The following SIGLEC1 variants were observed in gnomAD, a reference collection of about 807,000 sequenced individuals.
The protein encoded by SIGLEC1 is sialic acid binding Ig like lectin 1.
SIGLEC1 carries 132 observed loss-of-function variants against 148.0 expected under a neutral mutation model. The ratio of observed to expected loss-of-function variants is 0.89; its 90% CI spans 0.77 to 1.03. The LOEUF (loss-of-function observed/expected upper bound fraction) is 1.03, where lower values mean the gene tolerates loss of function less well. SIGLEC1 is among the 50% of genes least tolerant of loss of function. The pLI, the probability that SIGLEC1 is intolerant of heterozygous loss-of-function variation, is 0.00. For synonymous variants in SIGLEC1, 945 were observed against 969.0 expected (o/e 0.98, Z 0.46); for missense variants, 2,253 against 2,271.4 (o/e 0.99, Z 0.16).
intron 1 of SIGLEC1, among the ~76,000 whole-genome samples, chr20:3,709,841 A>T (rs1301259367): frequency 2.0e-5 from 3 of 152,222 alleles, no homozygotes; most frequent in Admixed American, 6.5e-5. Context: ...ATTACATGAA[A>T]TATCTAGACT....
chr20:3,692,157 G>T lies in SIGLEC1; in HGVS notation c.4076C>A (p.Ala1359Asp). Residue 1359 changes from alanine (A) to aspartate (D), a missense_variant, in exon 17 of 22, where the codon GCC (alanine) becomes GAC (aspartate). Ala to Asp is a moderately radical substitution (Grantham distance 126). Coordinates refer to ENST00000344754, the MANE Select transcript of SIGLEC1 (RefSeq NM_023068.4). ...AVLSSFRDSR[A>D]RSMAVIQCTV... The stretch of plus-strand genomic sequence containing the variant: ...GCACTGTATCACAGCCATGGATCTG[G>T]CCCTGGAGTCCCGGAAGGAGGACAG... 1 of 1,583,788 alleles carries T rather than the reference G, an allele frequency of 6.3e-7. No individual in the cohort carries two copies.
In SIGLEC1 at chr20:3,694,311, C is replaced by T. The variant is rs766822318; in HGVS notation, c.3166G>A (p.Gly1056Arg). The T allele has an allele frequency of 1.5e-5, 24 of 1,612,998 alleles. No individual in the cohort carries two copies. Among genetic ancestry groups the T allele is most frequent in the African/African-American group, 4.0e-5 (3 of 74,904 alleles). ...APNTLRLEIH[G>R]AMLEDEGVYI... is the part of the protein sequence containing the mutation. The stretch of plus-strand genomic sequence containing the variant: ...ACACCCTCATCCTCCAGCATAGCCC[C>T]GTGGATCTCCAGACGCAGTGTGTTG... The change falls in exon 13 of 22, where the codon GGG (glycine) becomes AGG (arginine). Residue 1056 changes from glycine to arginine, a missense_variant. Coordinates refer to ENST00000344754, the MANE Select transcript of SIGLEC1 (RefSeq NM_023068.4).
chr20:3,688,335 A>T lies in SIGLEC1; in HGVS notation c.*225T>A, dbSNP rs2088719358. Reference sequence around the variant, plus strand: ...AGAGAAGAGAGAGCGAGATCAGCTCAGTGCTCTTCAGTGTCCTCCAGGGTC... The same window carrying T: ...AGAGAAGAGAGAGCGAGATCAGCTCTGTGCTCTTCAGTGTCCTCCAGGGTC... On this transcript the variant is annotated 3_prime_UTR_variant, in exon 22 of 22. Coordinates refer to ENST00000344754, the MANE Select transcript of SIGLEC1 (RefSeq NM_023068.4). 1.8e-6 allele frequency: 1 copy of T among 564,974 alleles called. No individual in the cohort carries two copies. Among genetic ancestry groups the T allele is most frequent in the South Asian group, 1.9e-5 (1 of 53,188 alleles). 35.0% of individuals were successfully genotyped at this position (564,974 alleles called of 1,614,324 possible).
Position 3,690,059 on chromosome 20 carries a change from G to A in SIGLEC1, c.4797C>T (p.Asp1599=), listed in dbSNP as rs1345497781. ...VLASPNALRV[D]IEALRPSDQG... ...GGTCGCTGGGCCTCAGCGCCTCGAT[G>A]TCCACCCTCAGGGCATTGGGGGAAG... The change falls in exon 19 of 22, where the codon GAC becomes GAT. Residue 1599 remains aspartate (D), a synonymous_variant. Transcript: ENST00000344754. 1.9e-6 allele frequency: 3 copies of A among 1,612,132 alleles called. No individual in the cohort carries two copies. Among genetic ancestry groups the A allele is most frequent in the Admixed American group, 3.3e-5 (2 of 59,902 alleles).
In SIGLEC1 at chr20:3,699,413, C is replaced by G; in HGVS notation, c.1575G>C (p.Gln525His). 6.2e-7 allele frequency: 1 copy of G among 1,610,260 alleles called. No individual in the cohort carries two copies. Among genetic ancestry groups the G allele is most frequent in the Non-Finnish European group, 8.5e-7 (1 of 1,178,942 alleles). ...CGCTTCTGCAGCTCAGTGTCACTGCCTGTCCTTCCACCACCTCGGCTGCCG... is the reference window on the plus strand; with the variant it reads ...CGCTTCTGCAGCTCAGTGTCACTGCGTGTCCTTCCACCACCTCGGCTGCCG... ...ISPAAEVVEG[Q>H]AVTLSCRSGL... Residue 525 changes from glutamine (Q) to histidine (H), a missense_variant, in exon 8 of 22, where the codon CAG becomes CAC. Transcript: ENST00000344754.
chr20:3,710,258 C>T lies in SIGLEC1; in HGVS notation c.-110+2212G>A, dbSNP rs374347746. On this transcript the variant is annotated intron_variant, in intron 1 of 21. Transcript: ENST00000344754. The surrounding 1 kb of genome is among the most constrained non-coding windows in gnomAD (Gnocchi z 4.6). ...GGTCACACCTGGGAAGGGGGTGAGCCGAGGCCCAGGGCCAGTCAGGCTGAC... is the reference window on the plus strand; with the variant it reads ...GGTCACACCTGGGAAGGGGGTGAGCTGAGGCCCAGGGCCAGTCAGGCTGAC... Among the ~76,000 whole-genome samples the T allele has an allele frequency of 2.0e-4, 30 of 152,214 alleles. No individual in the cohort carries two copies. In the East Asian group the frequency reaches 4.7e-3, roughly 24 times the overall value.
chr20:3,708,888 A>G (rs932976919), intron 1 of SIGLEC1, among the ~76,000 whole-genome samples: 1 of 151,918 alleles, frequency 6.6e-6, no homozygotes, highest in African/African-American at 2.4e-5. Context: ...TCTACTAAAA[A>G]TACAAAATTA....
chr20:3,699,340 C>A lies in SIGLEC1; in HGVS notation c.1648G>T (p.Ala550Ser). 1 of 1,609,150 alleles carries A rather than the reference C, an allele frequency of 6.2e-7. No individual in the cohort carries two copies. ...DARFSWYLNG[A>S]LLHEGPGSSL... Reference sequence around the variant, plus strand: ...CTGCCGGGACCCTCGTGAAGCAGGGCTCCATTCAGGTACCAGGAGAAGCGG... The same window carrying A: ...CTGCCGGGACCCTCGTGAAGCAGGGATCCATTCAGGTACCAGGAGAAGCGG... The change falls in exon 8 of 22, where the codon GCC (alanine) becomes TCC (serine). Residue 550 changes from alanine (A) to serine (S), a missense_variant. By Grantham distance (99) the Ala-to-Ser change is moderately conservative. Transcript: ENST00000344754.
At chr20:3,709,046 CAAAAAAAAAA>C (rs375193019) in intron 1 of SIGLEC1, among the ~76,000 whole-genome samples, 2 of 80,040 alleles carry the variant, frequency 2.5e-5, no homozygotes, top group Non-Finnish European at 4.6e-5. Context: ...TCTTCTGTCT[CAAAAAAAAAA>C]AAAAAAAAAA....
intron 4 of SIGLEC1, among the ~76,000 whole-genome samples, chr20:3,704,329 C>A (rs186211131): frequency 6.6e-6 from 1 of 152,298 alleles, no homozygotes; most frequent in Non-Finnish European, 1.5e-5. Context: ...GCTTGGCCAG[C>A]GTCCAGCCTA....
chr20:3,709,223 C>A (rs749512009), intron 1 of SIGLEC1, among the ~76,000 whole-genome samples: 17 of 152,016 alleles, frequency 1.1e-4, no homozygotes, highest in Non-Finnish European at 1.8e-4. Context: ...ACCAAAAAAA[C>A]CATGAAATCC....
rs371510867 is a variant in SIGLEC1 at position 3,703,138 on chromosome 20, G to T, written c.1228+59C>A. On this transcript the variant is annotated intron_variant, in intron 6 of 21. Transcript: ENST00000344754. ...CCCAGGACCCCAACCCTTCCTTGGGGCTCCACCATCTGGTCCTGCTCTGAC... is the reference window on the plus strand; with the variant it reads ...CCCAGGACCCCAACCCTTCCTTGGGTCTCCACCATCTGGTCCTGCTCTGAC... The T allele has an allele frequency of 4.8e-4, 763 of 1,605,714 alleles. 2 individuals carry two copies. The African/African-American group carries it at 8.1e-3, about 17-fold the overall frequency.
rs569142336 is a variant in SIGLEC1 at position 3,692,706 on chromosome 20, G to A, written c.3845C>T (p.Ala1282Val). 23 of 1,612,670 alleles carry A rather than the reference G, an allele frequency of 1.4e-5. No individual in the cohort carries two copies. The Admixed American group carries it at 1.5e-4, about 11-fold the overall frequency. The change falls in exon 16 of 22, where the codon GCG becomes GTG. Residue 1282 changes from alanine (A) to valine (V), a missense_variant. By Grantham distance (64) the Ala-to-Val change is moderately conservative. Transcript: ENST00000344754. The part of the protein sequence containing the change: ...PEGAPITVTC[A>V]DPAAHAPTLY... ...TGTGGGTGCGTGGGCAGCAGGGTCC[G>A]CACAGGTCACTGTGATGGGGGCACC...
At chr20:3,712,048 G>C (rs2087931513) in intron 1 of SIGLEC1, among the ~76,000 whole-genome samples, 1 of 152,096 alleles carries the variant, frequency 6.6e-6, no homozygotes, top group Non-Finnish European at 1.5e-5. Context: ...TGATGGTTAA[G>C]ATACGGTGGA....
chr20:3,701,392 G>T lies in SIGLEC1; in HGVS notation c.1478C>A (p.Ala493Asp), dbSNP rs750107746. The change falls in exon 7 of 22, where the codon GCC (alanine) becomes GAC (aspartate). Residue 493 changes from alanine to aspartate, a missense_variant. Physicochemically the swap from Ala to Asp is moderately radical, Grantham distance 126 (BLOSUM62 -2). Transcript: ENST00000344754. ...ETDSGEYKCS[A>D]TNSLGNATST... is the part of the protein sequence containing the mutation. Reference sequence around the variant, plus strand: ...GGTTGCATTTCCAAGGGAGTTGGTGGCTGAGCACTTGTACTCCCCACTGTC... The same window carrying T: ...GGTTGCATTTCCAAGGGAGTTGGTGTCTGAGCACTTGTACTCCCCACTGTC... 6.2e-7 allele frequency: 1 copy of T among 1,613,984 alleles called. No individual in the cohort carries two copies. Among genetic ancestry groups the T allele is most frequent in the South Asian group, 1.1e-5 (1 of 91,082 alleles).
chr20:3,702,746 T>C (rs1046372277), intron 6 of SIGLEC1, among the ~76,000 whole-genome samples: 2 of 152,160 alleles, frequency 1.3e-5, no homozygotes, highest in African/African-American at 2.4e-5. Context: ...AAATAACATA[T>C]GCATATGTAT....
Position 3,689,213 on chromosome 20 carries a change from C to CA in SIGLEC1, c.5011dup (p.Cys1671LeufsTer2), listed in dbSNP as rs1365207804. ...CGAATTCTCGCCCATGCTCTGCTTA[C>CA]AAACACGCCTCCTTCTGCAAGGCCC... On this transcript the variant is annotated frameshift_variant, in exon 21 of 22. Coordinates refer to ENST00000344754, the MANE Select transcript of SIGLEC1 (RefSeq NM_023068.4). LOFTEE classifies it high-confidence loss of function. 6.2e-7 allele frequency: 1 copy of CA among 1,614,042 alleles called. No individual in the cohort carries two copies. The highest frequency in any genetic ancestry group is 8.5e-7 in the Non-Finnish European group (1 of 1,180,004).
At position 3,697,346 on chromosome 20, in the gene SIGLEC1, G is replaced by C; in HGVS notation, c.2123-4C>G. On this transcript the variant is annotated splice_polypyrimidine_tract_variant and splice_region_variant and intron_variant, in intron 9 of 21. Transcript: ENST00000344754. ...GGTGCAATGGCCAGGACAGTGGCTG[G>C]AGAGCAGGCGGCACAGCTTACTGAC... 6.2e-7 allele frequency: 1 copy of C among 1,613,112 alleles called. No individual in the cohort carries two copies. Among genetic ancestry groups the C allele is most frequent in the South Asian group, 1.1e-5 (1 of 91,082 alleles).
At chr20:3,700,626 T>C (rs974098849) in intron 7 of SIGLEC1, among the ~76,000 whole-genome samples, 1 of 151,646 alleles carries the variant, frequency 6.6e-6, no homozygotes, top group Non-Finnish European at 1.5e-5. Flanking sequence ...TTAGCTACCA[T>C]GCCCTCAGGA....
Sources: allele counts gnomAD v4.1 joint callset (sites outside exome capture counted in the v4.1 genomes callset), GRCh38; gene constraint gnomAD v4.1.1; non-coding constraint Gnocchi (gnomAD v3.1); transcripts MANE v1.5; gene names NCBI Gene and HGNC (gene_info 2026-07-23, HGNC 2026-07-21).